Variants in GRM5 observed in about 807,000 individuals in gnomAD.
The protein encoded by GRM5 is metabotropic glutamate receptor 5.
GRM5 carries 19 observed loss-of-function variants against 83.1 expected under a neutral mutation model. The observed-to-expected ratio is 0.23, with a 90% CI of 0.16 to 0.34. The LOEUF (loss-of-function observed/expected upper bound fraction) is 0.34, where lower values mean the gene tolerates loss of function less well. Ranked by LOEUF, GRM5 falls within the 10% of genes least tolerant of loss-of-function variation. The pLI is 1.00. For missense variants in GRM5, 1,160 were observed against 1,588.3 expected (o/e 0.73, Z 4.58); for synonymous variants, 675 against 633.6 (o/e 1.07, Z -0.98).
chr11:88,996,864 ATAAATAT>A (rs1343618747), intron 2 of GRM5, among the ~76,000 whole-genome samples: 3 of 152,256 alleles, frequency 2.0e-5, no homozygotes, highest in African/African-American at 7.2e-5. Context: ...TCTCAAACAC[ATAAATAT>A]TAAACAATAC....
chr11:88,696,819 C>T (rs1940915928), intron 3 of GRM5, among the ~76,000 whole-genome samples: 1 of 152,076 alleles, frequency 6.6e-6, no homozygotes. Flanking sequence ...GTGTTATTAC[C>T]TTTGAATAAG....
chr11:88,787,924 C>A (rs2135471210), intron 3 of GRM5, among the ~76,000 whole-genome samples: 1 of 152,090 alleles, frequency 6.6e-6, no homozygotes, highest in East Asian at 1.9e-4. Context: ...GTCACGTAGG[C>A]AGGTCAATAC....
At chr11:88,598,244 C>A (rs1227521453) in intron 5 of GRM5, among the ~76,000 whole-genome samples, 1 of 152,084 alleles carries the variant, frequency 6.6e-6, no homozygotes, top group Non-Finnish European at 1.5e-5. Context: ...TTCCAATGCT[C>A]AGCATGTGTA....
At chr11:89,030,987 G>C (rs1195408192) in intron 2 of GRM5, among the ~76,000 whole-genome samples, 4 of 151,950 alleles carry the variant, frequency 2.6e-5, no homozygotes, top group Admixed American at 6.6e-5. Context: ...TACTTGTAGA[G>C]TTAAGAGTAG....
intron 2 of GRM5, among the ~76,000 whole-genome samples, chr11:88,910,688 A>G (rs1462061000): frequency 6.6e-6 from 1 of 152,118 alleles, no homozygotes; most frequent in African/African-American, 2.4e-5. Flanking sequence ...GGAATATCCT[A>G]TATGGTTTGA....
At position 88,720,399 on chromosome 11, in the gene GRM5, T is replaced by C. The variant is rs73535615; in HGVS notation, c.912-66996A>G. 5.7e-3 allele frequency among the ~76,000 whole-genome samples: 869 copies of C among 152,106 alleles called. 6 individuals are homozygous for C. Among genetic ancestry groups the C allele is most frequent in the African/African-American group, 0.02 (843 of 41,532 alleles). On this transcript the variant is annotated intron_variant, in intron 3 of 9. Transcript: ENST00000305447. ...GAAGTAAGCATCATTTTATTACATA[T>C]AAATAATCTGCTAAGAGGCCACTCT... is the stretch of plus-strand genomic sequence containing the variant.
At chr11:88,910,609 C>T (rs1945480066) in intron 2 of GRM5, among the ~76,000 whole-genome samples, 1 of 152,000 alleles carries the variant, frequency 6.6e-6, no homozygotes, top group Non-Finnish European at 1.5e-5. Flanking sequence ...TAGACAAAAA[C>T]CTGAACAATT....
At chr11:89,004,209 T>G (rs1940464319) in intron 2 of GRM5, among the ~76,000 whole-genome samples, 1 of 152,218 alleles carries the variant, frequency 6.6e-6, no homozygotes, top group Admixed American at 6.5e-5. Context: ...TGCAAGAGGC[T>G]GGACCAAATG....
At chr11:88,792,051 G>T (rs1295766786) in intron 3 of GRM5, among the ~76,000 whole-genome samples, 1 of 152,086 alleles carries the variant, frequency 6.6e-6, no homozygotes, top group Non-Finnish European at 1.5e-5. Context: ...GAGCATGTTA[G>T]TCAGAATATG....
chr11:88,638,484 A>C (rs1320655703), intron 4 of GRM5, among the ~76,000 whole-genome samples: 1 of 151,930 alleles, frequency 6.6e-6, no homozygotes, highest in African/African-American at 2.4e-5. Context: ...TGGTACCTGT[A>C]ATTCTGTCTT....
At chr11:89,031,523 A>G in intron 2 of GRM5, among the ~76,000 whole-genome samples, 1 of 151,960 alleles carries the variant, frequency 6.6e-6, no homozygotes. Flanking sequence ...TAATGCCACG[A>G]ATAACAATGT....
intron 3 of GRM5, among the ~76,000 whole-genome samples, chr11:88,711,779 A>G (rs1941286864): frequency 8.0e-6 from 1 of 124,374 alleles, no homozygotes; most frequent in African/African-American, 2.9e-5. Context: ...TTGACATTTC[A>G]AAGAATAAGG....
intron 3 of GRM5, among the ~76,000 whole-genome samples, chr11:88,755,437 T>C (rs1382950048): frequency 1.3e-5 from 2 of 152,144 alleles, no homozygotes; most frequent in Non-Finnish European, 2.9e-5. Context: ...TTTTTAATCA[T>C]ATGGTAGGAA....
At chr11:89,009,487 A>C (rs1267947624) in intron 2 of GRM5, among the ~76,000 whole-genome samples, 8 of 152,324 alleles carry the variant, frequency 5.3e-5, no homozygotes. Flanking sequence ...GAAAACTAGG[A>C]CTCACATATT....
At chr11:88,988,007 G>T (rs952186407) in intron 2 of GRM5, among the ~76,000 whole-genome samples, 1 of 151,564 alleles carries the variant, frequency 6.6e-6, no homozygotes, top group African/African-American at 2.4e-5. Context: ...AAAGCTGGAC[G>T]GAGAACGACT....
At chr11:88,556,949 C>A (rs571081999) in intron 8 of GRM5, among the ~76,000 whole-genome samples, 1 of 152,168 alleles carries the variant, frequency 6.6e-6, no homozygotes, top group East Asian at 1.9e-4. Flanking sequence ...GACTAAAAAT[C>A]TGTGTCAAAA....
At chr11:88,548,337 T>C (rs1942428362) in intron 8 of GRM5, among the ~76,000 whole-genome samples, 1 of 152,212 alleles carries the variant, frequency 6.6e-6, no homozygotes, top group African/African-American at 2.4e-5. Context: ...AAAATAAAAC[T>C]GCTTAGTTTA....
At chr11:88,553,143 T>TG (rs779228460) in intron 8 of GRM5, among the ~76,000 whole-genome samples, 2 of 152,330 alleles carry the variant, frequency 1.3e-5, no homozygotes, top group Non-Finnish European at 2.9e-5. Context: ...GTTGGACTTC[T>TG]GTTGTGAGTG....
intron 3 of GRM5, among the ~76,000 whole-genome samples, chr11:88,724,570 C>T (rs865993527): frequency 2.0e-5 from 3 of 152,090 alleles, no homozygotes; most frequent in African/African-American, 7.2e-5. Context: ...TTAATAAGTA[C>T]TTACTTACTG....
Sources: allele counts gnomAD v4.1 joint callset (sites outside exome capture counted in the v4.1 genomes callset), GRCh38; gene constraint gnomAD v4.1.1; transcripts MANE v1.5; gene names NCBI Gene and HGNC (gene_info 2026-07-23, HGNC 2026-07-21).